Variants in ONECUT3 observed in about 807,000 individuals in gnomAD.
ONECUT3 encodes the protein one cut domain family member 3.
In ONECUT3, 11 loss-of-function variants were observed where a neutral mutation model predicts 16.8. The ratio of observed to expected loss-of-function variants is 0.66; its 90% CI spans 0.41 to 1.09. The LOEUF is 1.09. Ranked by LOEUF, ONECUT3 falls within the 50% of genes least tolerant of loss-of-function variation. The pLI, the probability that ONECUT3 is intolerant of heterozygous loss-of-function variation, is 0.00. For synonymous variants in ONECUT3, 344 were observed against 310.7 expected (o/e 1.11, Z -1.13); for missense variants, 637 against 629.9 (o/e 1.01, Z -0.12).
Position 1,777,455 on chromosome 19 carries a change from C to T in ONECUT3, c.*2010C>T, listed in dbSNP as rs930903770. 1.3e-5 allele frequency: 2 copies of T among 148,302 alleles called. No homozygotes were observed. The highest frequency in any genetic ancestry group is 2.9e-5 in the Non-Finnish European group (2 of 67,956). 9.2% of individuals were successfully genotyped at this position (148,302 alleles called of 1,614,324 possible). On this transcript the variant is annotated 3_prime_UTR_variant, in exon 2 of 2. Coordinates refer to ENST00000382349, the MANE Select transcript of ONECUT3 (RefSeq NM_001080488.2). Reference sequence around the variant, plus strand: ...AGGCACACGCAGACGCACACAGAGACACACATGCAGATACACATGCACACA... The same window carrying T: ...AGGCACACGCAGACGCACACAGAGATACACATGCAGATACACATGCACACA...
intron 1 of ONECUT3, among the ~76,000 whole-genome samples, chr19:1,756,163 A>G (rs1244774836): frequency 2.6e-5 from 4 of 152,032 alleles, no homozygotes; most frequent in Non-Finnish European, 5.9e-5. Context: ...GTTCCTCCCT[A>G]GAAAGCCATT....
In ONECUT3 at chr19:1,776,333, G is replaced by C. The variant is rs1185533355; in HGVS notation, c.*888G>C. On this transcript the variant is annotated 3_prime_UTR_variant, in exon 2 of 2. Coordinates refer to ENST00000382349, the MANE Select transcript of ONECUT3 (RefSeq NM_001080488.2). The surrounding 1 kb of genome is among the most constrained non-coding windows in gnomAD (Gnocchi z 4.9). ...ACGGGAGACCACGCCCAGGCTCCCA[G>C]GAGAAGGGGACCCGGCCGGAGAAGG... The C allele has an allele frequency of 2.0e-5, 3 of 152,338 alleles. No homozygotes were observed. The highest frequency in any genetic ancestry group is 2.9e-5 in the Non-Finnish European group (2 of 68,146). 9.4% of individuals were successfully genotyped at this position (152,338 alleles called of 1,614,324 possible). A position where few individuals can be genotyped will look rare whatever the true frequency, so the allele number is the denominator to read the frequency against.
intron 1 of ONECUT3, among the ~76,000 whole-genome samples, chr19:1,763,653 T>C (rs1217985820): frequency 6.6e-6 from 1 of 152,064 alleles, no homozygotes; most frequent in Non-Finnish European, 1.5e-5. Flanking sequence ...TGCCCTCCCT[T>C]CTGCAAATCA....
chr19:1,758,721 T>C lies in ONECUT3; in HGVS notation c.1192+3867T>C, dbSNP rs1056505612. 1.4e-5 allele frequency among the ~76,000 whole-genome samples: 2 copies of C among 147,054 alleles called. No individual in the cohort carries two copies. The highest frequency in any genetic ancestry group is 5.0e-5 in the African/African-American group (2 of 39,962). On this transcript the variant is annotated intron_variant, in intron 1 of 1. Coordinates refer to ENST00000382349, the MANE Select transcript of ONECUT3 (RefSeq NM_001080488.2). The surrounding 1 kb of genome is among the most constrained non-coding windows in gnomAD (Gnocchi z 5.9). The stretch of plus-strand genomic sequence containing the variant: ...TTCGGAGCTGCCTCCTGGTCAAAGC[T>C]CTCCCCTGGCGCCGTCTCCAACAGT...
chr19:1,771,989 T>TTATG (rs2068059593), intron 1 of ONECUT3, among the ~76,000 whole-genome samples: 1 of 37,602 alleles, frequency 2.7e-5, no homozygotes. Context: ...TATTTAGTTA[T>TTATG]TATTTATTTA....
Position 1,753,750 on chromosome 19 carries a change from T to A in ONECUT3, c.88T>A (p.Ser30Thr), listed in dbSNP as rs1400805641. 1 of 1,008,334 alleles carries A rather than the reference T, an allele frequency of 9.9e-7. No homozygotes were observed. Among genetic ancestry groups the A allele is most frequent in the Non-Finnish European group, 1.2e-6 (1 of 847,970 alleles). The allele number at this position is 1,008,334 out of a possible 1,614,324, so 62.5% of individuals were successfully genotyped here. A position where few individuals can be genotyped will look rare whatever the true frequency, so the allele number is the denominator to read the frequency against. The change falls in exon 1 of 2, where the codon TCG becomes ACG. Residue 30 changes from serine (S) to threonine (T), a missense_variant. Ser to Thr is a moderately conservative substitution (Grantham distance 58). This residue lies in a region of ONECUT3 where 419 missense variants were observed against 377.9 expected (regional missense o/e 1.11). Coordinates refer to ENST00000382349, the MANE Select transcript of ONECUT3 (RefSeq NM_001080488.2). ...GELLSPGHAR[S>T]AAAQHRGLVA... Reference sequence around the variant, plus strand: ...GCTGCTGAGCCCGGGCCACGCGCGCTCGGCGGCGGCGCAGCACCGCGGCCT... The same window carrying A: ...GCTGCTGAGCCCGGGCCACGCGCGCACGGCGGCGGCGCAGCACCGCGGCCT...
chr19:1,753,657 C>T lies in ONECUT3; in HGVS notation c.-6C>T, dbSNP rs528868407. 223 of 1,047,866 alleles carry T rather than the reference C, an allele frequency of 2.1e-4. No individual in the cohort carries two copies. The African/African-American group carries it at 3.6e-3, about 17-fold the overall frequency. 64.9% of individuals were successfully genotyped at this position (1,047,866 alleles called of 1,614,324 possible). ...AGGAGCGCGCGCGGCGGGAGGGCAG[C>T]CGAGCATGGAGCTGAGCCTGGAGAG... On this transcript the variant is annotated 5_prime_UTR_variant, in exon 1 of 2. Transcript: ENST00000382349.
At chr19:1,771,988 A>ATTATTTATTTATTTAT (rs61311263) in intron 1 of ONECUT3, among the ~76,000 whole-genome samples, 7 of 141,322 alleles carry the variant, frequency 5.0e-5, no homozygotes, top group Admixed American at 7.1e-5. Context: ...CTATTTAGTT[A>ATTATTTATTTATTTAT]TTATTTATTT....
rs916214798 is a variant in ONECUT3, at chr19:1,753,982, C to G, written c.320C>G (p.Thr107Arg). The G allele has an allele frequency of 5.0e-6, 5 of 994,978 alleles. No homozygotes were observed. The Admixed American group carries it at 2.5e-4, about 49-fold the overall frequency. 61.6% of individuals were successfully genotyped at this position (994,978 alleles called of 1,614,324 possible). ...EAPGLGGTYT[T>R]LTPLQHLPPL... ...CCGGGCCTGGGCGGCACCTACACGA[C>G]GCTCACGCCCCTGCAGCACCTGCCG... is the stretch of plus-strand genomic sequence containing the variant. Residue 107 changes from threonine (T) to arginine (R), a missense_variant, in exon 1 of 2, where the codon ACG becomes AGG. By Grantham distance (71) the Thr-to-Arg change is moderately conservative. Around this residue, in one of 3 missense-constraint regions of ONECUT3, gnomAD observed 419 missense variants for 377.9 expected, o/e 1.11. Coordinates refer to ENST00000382349, the MANE Select transcript of ONECUT3 (RefSeq NM_001080488.2).
rs2145969159 is a variant in ONECUT3, at chr19:1,775,481, C to T, written c.*36C>T. ...CCCCGCGCCCTCCCTGCCTCCACGG[C>T]CTGGGCGCTGTGCCCCCACGTCACC... On this transcript the variant is annotated 3_prime_UTR_variant, in exon 2 of 2. Transcript: ENST00000382349. The T allele has an allele frequency of 1.4e-6, 2 of 1,426,004 alleles. No homozygotes were observed. The highest frequency in any genetic ancestry group is 2.8e-5 in the East Asian group (1 of 35,482). 88.3% of individuals were successfully genotyped at this position (1,426,004 alleles called of 1,614,324 possible).
chr19:1,773,582 C>T (rs1052113370), intron 1 of ONECUT3, among the ~76,000 whole-genome samples: 1 of 152,260 alleles, frequency 6.6e-6, no homozygotes, highest in African/African-American at 2.4e-5. Context: ...TCCAGTAGGC[C>T]ACGACGGCTG....
intron 1 of ONECUT3, among the ~76,000 whole-genome samples, chr19:1,768,877 A>AGAGTTGGAGGTGGTG (rs2068019442): frequency 3.0e-5 from 3 of 100,210 alleles, no homozygotes; most frequent in African/African-American, 1.1e-4. Context: ...TGGCGGAGGT[A>AGAGTTGGAGGTGGTG]GAGGTGGAGG....
rs533085140 is a variant in ONECUT3, at chr19:1,754,043, C to A, written c.381C>A (p.His127Gln). Residue 127 changes from histidine to glutamine, a missense_variant, in exon 1 of 2, where the codon CAC (histidine) becomes CAA (glutamine). Transcript: ENST00000382349. The surrounding 1 kb of genome is among the most constrained non-coding windows in gnomAD (Gnocchi z 7.4). Reference protein sequence around the residue: ...LAAVADKFHQHAAAAAVAGAH... With the variant: ...LAAVADKFHQQAAAAAVAGAH... ...CCGTGGCCGACAAGTTCCACCAGCA[C>A]GCGGCGGCCGCGGCCGTGGCCGGGG... 145 of 991,456 alleles carry A rather than the reference C, an allele frequency of 1.5e-4. No individual in the cohort carries two copies. The Admixed American group carries it at 8.2e-3, about 56-fold the overall frequency. 61.4% of individuals were successfully genotyped at this position (991,456 alleles called of 1,614,324 possible). A position where few individuals can be genotyped will look rare whatever the true frequency, so the allele number is the denominator to read the frequency against.
intron 1 of ONECUT3, 66 bp from the exon 2 acceptor site, chr19:1,775,087 T>C (rs2068092480): frequency 8.8e-7 from 1 of 1,141,770 alleles, no homozygotes; most frequent in Non-Finnish European, 1.2e-6. Flanking sequence ...GCCTCCTGCC[T>C]CTCCCCGGCC....
Position 1,777,389 on chromosome 19 carries a change from GAC to G in ONECUT3, c.*1947_*1948del, listed in dbSNP as rs543191669. On this transcript the variant is annotated 3_prime_UTR_variant, in exon 2 of 2. Coordinates refer to ENST00000382349, the MANE Select transcript of ONECUT3 (RefSeq NM_001080488.2). ...GTGCACACACATGCAGAGACATGCA[GAC>G]ACGCAGGCACACATGCACACATGCA... The G allele has an allele frequency of 1.6e-3, 244 of 152,376 alleles. 2 individuals carry two copies. The highest frequency in any genetic ancestry group is 5.6e-3 in the African/African-American group (231 of 41,440). The allele number at this position is 152,376 out of a possible 1,614,324, so 9.4% of individuals were successfully genotyped here.
Position 1,754,737 on chromosome 19 carries a change from C to T in ONECUT3, c.1075C>T (p.Leu359=). Residue 359 remains leucine, a synonymous_variant, in exon 1 of 2, where the codon CTG becomes TTG. Transcript: ENST00000382349. The surrounding 1 kb of genome is among the most constrained non-coding windows in gnomAD (Gnocchi z 7.4). ...LCRSQGTLSD[L]LRNPKPWSKL... ...TCGCTCTCAGGGCACGCTCTCCGAC[C>T]TGCTGCGCAACCCCAAGCCGTGGAG... The T allele has an allele frequency of 6.4e-7, 1 of 1,560,474 alleles. No homozygotes were observed. The highest frequency in any genetic ancestry group is 8.7e-7 in the Non-Finnish European group (1 of 1,155,768).
At chr19:1,763,238 C>A (rs973043767) in intron 1 of ONECUT3, among the ~76,000 whole-genome samples, 1 of 151,696 alleles carries the variant, frequency 6.6e-6, no homozygotes, top group Non-Finnish European at 1.5e-5. Flanking sequence ...GTGGCACATG[C>A]CTGCAATCCC....
chr19:1,769,229 G>A (rs139791233), intron 1 of ONECUT3, among the ~76,000 whole-genome samples: 523 of 151,892 alleles, frequency 3.4e-3, no homozygotes, highest in Admixed American at 6.6e-3. Context: ...GATGAAGGAG[G>A]AGGTGGAGGT....
intron 1 of ONECUT3, among the ~76,000 whole-genome samples, chr19:1,768,473 C>T (rs1241278411): frequency 6.6e-6 from 1 of 152,088 alleles, no homozygotes; most frequent in Non-Finnish European, 1.5e-5. Flanking sequence ...GAAGGGGGCG[C>T]ACTGTCTTTA....
Sources: gnomAD v4.1 joint callset for allele counts (sites outside exome capture counted in the v4.1 genomes callset) on GRCh38, gnomAD v4.1.1 for gene constraint, gnomAD v4.1.1 regional missense constraint, Gnocchi (gnomAD v3.1) non-coding constraint, MANE v1.5 for transcripts, NCBI Gene and HGNC (gene_info 2026-07-23, HGNC 2026-07-21) for gene names.